CPM: variants seen among roughly 807,000 people sequenced by gnomAD.
CPM encodes the protein renal carboxypeptidase.
Under a neutral mutation model 46.4 loss-of-function variants are expected in CPM, and 35 were observed. The ratio of observed to expected loss-of-function variants is 0.75; its 90% confidence interval spans 0.58 to 1.00. The LOEUF (loss-of-function observed/expected upper bound fraction) is 1.00, where lower values mean the gene tolerates loss of function less well. Ranked by LOEUF, CPM falls within the 50% of genes least tolerant of loss-of-function variation. The pLI is 0.00. For synonymous variants in CPM, 195 were observed against 195.3 expected (o/e 1.00, Z 0.01); for missense variants, 422 against 530.4 (o/e 0.80, Z 2.01).
chr12:68,950,716 AC>A (rs1888920441), intron 1 of CPM, among the ~76,000 whole-genome samples: 1 of 151,674 alleles, frequency 6.6e-6, no homozygotes, highest in South Asian at 2.1e-4. Flanking sequence ...AGCTTCCGCG[AC>A]CCCCAGGCCA....
In CPM at chr12:68,866,914, T is replaced by C. The variant is rs754707168; in HGVS notation, c.922A>G (p.Ile308Val). The change falls in exon 7 of 9, where the codon ATA becomes GTA. Residue 308 changes from isoleucine to valine, a missense_variant. Ile to Val is a conservative substitution (Grantham distance 29, BLOSUM62 3). Transcript: ENST00000551568. ...TACAAACCTAGGTGCACCTGCTTTA[T>C]ATATTCAATTAATGAGGCTTTGTTA... ...NNNKASLIEY[I>V]KQVHLGVKGQ... 21 of 1,613,416 alleles carry C rather than the reference T, an allele frequency of 1.3e-5. No homozygotes were observed. The highest frequency in any genetic ancestry group is 1.6e-5 in the Non-Finnish European group (19 of 1,179,846).
chr12:68,868,799 A>C (rs1222015078), intron 6 of CPM, among the ~76,000 whole-genome samples: 1 of 152,086 alleles, frequency 6.6e-6, no homozygotes, highest in East Asian at 1.9e-4. Context: ...TACAAACTGC[A>C]AGATCTGGCA....
chr12:68,928,726 G>A (rs1412478840), intron 2 of CPM, among the ~76,000 whole-genome samples: 1 of 150,846 alleles, frequency 6.6e-6, no homozygotes. Context: ...GACTTAGCAG[G>A]AGGCAAGACA....
chr12:68,903,250 C>T (rs1184290485), intron 2 of CPM, among the ~76,000 whole-genome samples: 1 of 152,172 alleles, frequency 6.6e-6, no homozygotes, highest in East Asian at 1.9e-4. Context: ...AAGACAGTAG[C>T]TTTAAAAAAG....
intron 2 of CPM, among the ~76,000 whole-genome samples, chr12:68,909,683 C>CAGGG (rs1887500118): frequency 6.6e-6 from 1 of 151,986 alleles, no homozygotes; most frequent in Non-Finnish European, 1.5e-5. Context: ...ATGTCCTTTG[C>CAGGG]AGGGACATGG....
At chr12:68,948,815 T>C (rs1888889281) in intron 1 of CPM, among the ~76,000 whole-genome samples, 1 of 152,208 alleles carries the variant, frequency 6.6e-6, no homozygotes, top group Non-Finnish European at 1.5e-5. Flanking sequence ...AGTTGCCATT[T>C]ATTGCTGCCA....
intron 2 of CPM, among the ~76,000 whole-genome samples, chr12:68,904,316 G>T (rs902424867): frequency 6.6e-6 from 1 of 152,200 alleles, no homozygotes; most frequent in Non-Finnish European, 1.5e-5. Flanking sequence ...ATGGACTGAT[G>T]TATCCCTAGC....
intron 6 of CPM, among the ~76,000 whole-genome samples, chr12:68,868,791 C>T (rs1885566979): frequency 6.6e-6 from 1 of 152,014 alleles, no homozygotes; most frequent in Non-Finnish European, 1.5e-5. Flanking sequence ...CTTCTCTTTA[C>T]AAACTGCAAG....
intron 7 of CPM, among the ~76,000 whole-genome samples, chr12:68,860,670 G>T (rs925515546): frequency 3.7e-4 from 56 of 152,152 alleles, no homozygotes; most frequent in African/African-American, 1.2e-3. Flanking sequence ...TAAATATAGC[G>T]TGTACCCATC....
At chr12:68,932,558 C>T in intron 2 of CPM, 120 bp downstream of exon 2, 3 of 1,192,638 alleles carry the variant, frequency 2.5e-6, no homozygotes, top group Non-Finnish European at 3.6e-6. Flanking sequence ...TACCGGTTGA[C>T]TTGTTCTGTG....
intron 5 of CPM, chr12:68,843,251 G>A (rs915258369): frequency 4.4e-5 from 10 of 226,840 alleles, no homozygotes; most frequent in African/African-American, 2.0e-4. Flanking sequence ...ATAATGCTTT[G>A]AGGACCTCCA....
intron 1 of CPM, among the ~76,000 whole-genome samples, chr12:68,945,846 CTTTTTT>C (rs1170064808): frequency 6.8e-5 from 6 of 88,468 alleles, no homozygotes; most frequent in South Asian, 4.4e-4. Flanking sequence ...TTCTTTCTTT[CTTTTTT>C]TTTTTTTTTT....
At chr12:68,948,805 A>G (rs369050974) in intron 1 of CPM, among the ~76,000 whole-genome samples, 5 of 152,170 alleles carry the variant, frequency 3.3e-5, no homozygotes, top group African/African-American at 9.7e-5. Flanking sequence ...CTTTTGGTTC[A>G]GTTGCCATTT....
At chr12:68,901,856 A>G (rs1461675421) in intron 2 of CPM, among the ~76,000 whole-genome samples, 3 of 152,130 alleles carry the variant, frequency 2.0e-5, no homozygotes, top group Non-Finnish European at 4.4e-5. Flanking sequence ...CAGAAGTATT[A>G]CAGGAGAAGA....
At chr12:68,880,622 G>A (rs1424586987) in intron 3 of CPM, among the ~76,000 whole-genome samples, 7 of 152,176 alleles carry the variant, frequency 4.6e-5, no homozygotes, top group Non-Finnish European at 8.8e-5. Context: ...AGAGAGTAAA[G>A]GAGTGGATCC....
In CPM at chr12:68,867,046, C is replaced by T; in HGVS notation, c.790G>A (p.Gly264Arg). Residue 264 changes from glycine to arginine, a missense_variant and splice_region_variant, in exon 7 of 9, where the codon GGA becomes AGA. Coordinates refer to ENST00000551568, the MANE Select transcript of CPM (RefSeq NM_198320.5). ...CAGATGTAGTTGTAATCTTGCATTC[C>T]ACCTAAACACAAGCATATTTAATTT... Reference protein sequence around the residue: ...NGYSWYPLQGGMQDYNYIWAQ... With the variant: ...NGYSWYPLQGRMQDYNYIWAQ... The T allele has an allele frequency of 6.2e-7, 1 of 1,613,644 alleles. No individual in the cohort carries two copies. Among genetic ancestry groups the T allele is most frequent in the Non-Finnish European group, 8.5e-7 (1 of 1,179,892 alleles).
At chr12:68,878,702 A>G (rs1235102034) in intron 3 of CPM, among the ~76,000 whole-genome samples, 3 of 152,232 alleles carry the variant, frequency 2.0e-5, no homozygotes, top group Non-Finnish European at 4.4e-5. Flanking sequence ...TTGGCTTTGC[A>G]TGAATTAAAC....
rs1019160332 is a variant in CPM at position 68,898,812 on chromosome 12, G to A, written c.161-12923C>T. On this transcript the variant is annotated intron_variant, in intron 2 of 8. Coordinates refer to ENST00000551568, the MANE Select transcript of CPM (RefSeq NM_198320.5). ...GGCAAATTGCTTAATCCCTCTAAAT[G>A]AATCAGTTTCCTCATCCATATTATG... Among the ~76,000 whole-genome samples, 7 of 152,172 alleles carry A rather than the reference G, an allele frequency of 4.6e-5. No individual in the cohort carries two copies. The East Asian group carries it at 1.3e-3, about 29-fold the overall frequency.
At chr12:68,911,284 G>T (rs1395483989) in intron 2 of CPM, among the ~76,000 whole-genome samples, 1 of 152,130 alleles carries the variant, frequency 6.6e-6, no homozygotes, top group Non-Finnish European at 1.5e-5. Context: ...ATAAAATAGA[G>T]GGTCTGTCCA....
Sources: gnomAD v4.1 joint callset for allele counts (sites outside exome capture counted in the v4.1 genomes callset) on GRCh38, gnomAD v4.1.1 for gene constraint, MANE v1.5 for transcripts, NCBI Gene and HGNC (gene_info 2026-07-23, HGNC 2026-07-21) for gene names.